Variants in POC1B observed in about 807,000 individuals in gnomAD.
POC1B encodes POC1 centriolar protein B.
A neutral mutation model predicts 60.6 loss-of-function variants in POC1B; 44 were observed. The ratio of observed to expected loss-of-function variants is 0.73; its 90% CI spans 0.57 to 0.93. The LOEUF (loss-of-function observed/expected upper bound fraction) is 0.93. POC1B is among the 40% of genes least tolerant of loss of function. The pLI, the probability that POC1B is intolerant of heterozygous loss-of-function variation, is 0.00. For synonymous variants in POC1B, 180 were observed against 198.9 expected, an observed-to-expected ratio of 0.90 and a Z score of 0.80; for missense variants, 555 against 572.3, an observed-to-expected ratio of 0.97 and a Z score of 0.31.
rs1200137384 is a variant in POC1B, at chr12:89,525,186, G to C, written c.34C>G (p.Arg12Gly). The C allele has an allele frequency of 6.2e-7, 1 of 1,611,950 alleles. No homozygotes were observed. The highest frequency in any genetic ancestry group is 1.3e-5 in the African/African-American group (1 of 74,706). The change falls in exon 2 of 12, where the codon CGT becomes GGT. Residue 12 changes from arginine (R) to glycine (G), a missense_variant. By Grantham distance (125) the Arg-to-Gly change is moderately radical (BLOSUM62 -2). Coordinates refer to ENST00000313546, the MANE Select transcript of POC1B (RefSeq NM_172240.3). ...ASATEDPVLE[R>G]YFKGHKAAIT... ...GCAGCTTTGTGGCCTTTGAAATAACGCTCCAGAACGGGGTCCTCCTGGAAA... is the reference window on the plus strand; with the variant it reads ...GCAGCTTTGTGGCCTTTGAAATAACCCTCCAGAACGGGGTCCTCCTGGAAA...
chr12:89,493,868 C>T (rs1484492220), intron 3 of POC1B, among the ~76,000 whole-genome samples: 2 of 152,152 alleles, frequency 1.3e-5, no homozygotes, highest in African/African-American at 4.8e-5. Context: ...ATAGGAGTGC[C>T]TTATGTTTAT....
chr12:89,433,884 G>C (rs1355773172), intron 10 of POC1B, among the ~76,000 whole-genome samples: 1 of 152,120 alleles, frequency 6.6e-6, no homozygotes, highest in East Asian at 1.9e-4. Context: ...GATCCATTAG[G>C]GAAACAGAAA....
At chr12:89,499,699 CT>C (rs1425000407) in intron 2 of POC1B, among the ~76,000 whole-genome samples, 1 of 152,114 alleles carries the variant, frequency 6.6e-6, no homozygotes, top group African/African-American at 2.4e-5. Flanking sequence ...GGTGGGTCAA[CT>C]GGATACTCAT....
intron 2 of POC1B, among the ~76,000 whole-genome samples, chr12:89,511,372 T>C (rs1182274366): frequency 6.7e-6 from 1 of 149,272 alleles, no homozygotes; most frequent in Non-Finnish European, 1.5e-5. Flanking sequence ...GCTGAGATGG[T>C]GCCACTGCAC....
chr12:89,516,629 G>C (rs1870454095), intron 2 of POC1B, among the ~76,000 whole-genome samples: 1 of 152,128 alleles, frequency 6.6e-6, no homozygotes, highest in Non-Finnish European at 1.5e-5. Context: ...AACATGTCAA[G>C]TTTCCTGTAG....
chr12:89,454,648 T>C (rs1882181500), intron 10 of POC1B, among the ~76,000 whole-genome samples: 1 of 152,196 alleles, frequency 6.6e-6, no homozygotes, highest in African/African-American at 2.4e-5. Context: ...ATGCCACCCC[T>C]GTCACGTGAC....
At chr12:89,423,240 C>T (rs889516514) in intron 11 of POC1B, among the ~76,000 whole-genome samples, 30 of 152,208 alleles carry the variant, frequency 2.0e-4, no homozygotes, top group East Asian at 1.2e-3. Flanking sequence ...CCGAGCTGGG[C>T]GAATCGCTTG....
At chr12:89,452,181 G>A (rs1592596236) in intron 10 of POC1B, among the ~76,000 whole-genome samples, 1 of 152,266 alleles carries the variant, frequency 6.6e-6, no homozygotes, top group East Asian at 1.9e-4. Context: ...TCAGCTGTGG[G>A]AACTGGGGAT....
At chr12:89,413,955 C>T in the POC1B span, among the ~76,000 whole-genome samples, 1 of 151,794 alleles carries the variant, frequency 6.6e-6, no homozygotes, top group African/African-American at 2.4e-5. Flanking sequence ...GCAGTGGCAC[C>T]ATCTTGGCTC....
chr12:89,421,329 T>C, intron 11 of POC1B, 72 bp from the exon 12 acceptor site: 2 of 1,270,920 alleles, frequency 1.6e-6, no homozygotes, highest in Admixed American at 2.0e-5. Flanking sequence ...AATCTCTGCA[T>C]AGGAAATCCT....
intron 7 of POC1B, among the ~76,000 whole-genome samples, chr12:89,469,336 C>T (rs1882800850): frequency 6.6e-6 from 1 of 152,128 alleles, no homozygotes; most frequent in African/African-American, 2.4e-5. Context: ...CAATAAAAGG[C>T]ACCCCTCTTA....
At chr12:89,440,279 A>C (rs1881456408) in intron 10 of POC1B, among the ~76,000 whole-genome samples, 1 of 152,212 alleles carries the variant, frequency 6.6e-6, no homozygotes, top group Non-Finnish European at 1.5e-5. Flanking sequence ...AGAGATATGG[A>C]CAGAAGAGTA....
chr12:89,513,333 G>C (rs987324318), intron 2 of POC1B, among the ~76,000 whole-genome samples: 2 of 149,768 alleles, frequency 1.3e-5, no homozygotes, highest in Non-Finnish European at 1.5e-5. Context: ...TCAAATTTCA[G>C]TCTGCTTCTA....
intron 4 of POC1B, among the ~76,000 whole-genome samples, chr12:89,490,619 A>T (rs1479659933): frequency 6.6e-6 from 1 of 152,102 alleles, no homozygotes; most frequent in Non-Finnish European, 1.5e-5. Context: ...TGCTGGGATT[A>T]CAAGCATGAG....
intron 2 of POC1B, chr12:89,521,804 T>C (rs1360065575): frequency 2.6e-6 from 1 of 391,706 alleles, no homozygotes; most frequent in African/African-American, 2.1e-5. Context: ...TCTTTTTTCC[T>C]TGCATTTTTA....
chr12:89,431,451 A>ACG (rs1881026560), intron 10 of POC1B, among the ~76,000 whole-genome samples: 1 of 151,968 alleles, frequency 6.6e-6, no homozygotes, highest in Non-Finnish European at 1.5e-5. Context: ...ACACACACAC[A>ACG]CACACGCACA....
At chr12:89,458,421 A>G (rs966698886) in intron 10 of POC1B, among the ~76,000 whole-genome samples, 4 of 152,224 alleles carry the variant, frequency 2.6e-5, no homozygotes, top group African/African-American at 9.6e-5. Context: ...ACTGTAAGAA[A>G]CAAGAACACA....
the POC1B span, among the ~76,000 whole-genome samples, chr12:89,411,854 C>T: frequency 6.6e-6 from 1 of 152,194 alleles, no homozygotes; most frequent in Non-Finnish European, 1.5e-5. Context: ...TCTGAAAAAG[C>T]AACACCCCCT....
chr12:89,410,496 C>T, the POC1B span, among the ~76,000 whole-genome samples: 3 of 152,084 alleles, frequency 2.0e-5, no homozygotes, highest in African/African-American at 4.8e-5. Context: ...CTGGCTAACA[C>T]GGTGAAACCC....
Sources: allele counts gnomAD v4.1 joint callset (sites outside exome capture counted in the v4.1 genomes callset), GRCh38; gene constraint gnomAD v4.1.1; transcripts MANE v1.5; gene names NCBI Gene and HGNC (gene_info 2026-07-23, HGNC 2026-07-21).